ROBO1: variants seen among roughly 807,000 people sequenced by gnomAD.
ROBO1 encodes roundabout homolog 1.
Under a neutral mutation model 195.9 loss-of-function variants are expected in ROBO1, and 149 were observed. The observed-to-expected ratio is 0.76, with a 90% CI of 0.67 to 0.87. The LOEUF (loss-of-function observed/expected upper bound fraction) is 0.87. ROBO1 is among the 40% of genes least tolerant of loss of function. The probability of loss-of-function intolerance (pLI) is 0.00; values close to 1 mark genes in which losing one functional copy is unlikely to be tolerated. For synonymous variants in ROBO1, 816 were observed against 733.2 expected, an observed-to-expected ratio of 1.11 and a Z score of -1.82; for missense variants, 1,933 against 2,068.3, an observed-to-expected ratio of 0.93 and a Z score of 1.27.
At chr3:79,358,966 AG>A (rs1230355379) in intron 2 of ROBO1, among the ~76,000 whole-genome samples, 1 of 152,034 alleles carries the variant, frequency 6.6e-6, no homozygotes, top group Non-Finnish European at 1.5e-5. Context: ...ACACCAACTG[AG>A]GGGGCTTTTT....
At chr3:79,467,749 G>A (rs1247823353) in intron 2 of ROBO1, among the ~76,000 whole-genome samples, 1 of 152,092 alleles carries the variant, frequency 6.6e-6, no homozygotes, top group African/African-American at 2.4e-5. Context: ...GTAGCAAGTG[G>A]GCACTGAGCT....
intron 3 of ROBO1, among the ~76,000 whole-genome samples, chr3:79,024,151 C>G (rs2108283397): frequency 6.6e-6 from 1 of 152,304 alleles, no homozygotes; most frequent in Admixed American, 6.5e-5. Flanking sequence ...CTCAACTTTG[C>G]TGTGGAATTA....
intron 4 of ROBO1, among the ~76,000 whole-genome samples, chr3:78,924,207 T>C (rs2107612896): frequency 6.6e-6 from 1 of 152,214 alleles, no homozygotes; most frequent in East Asian, 1.9e-4. Flanking sequence ...CACTTAGTAT[T>C]CTAAAATGTG....
intron 2 of ROBO1, among the ~76,000 whole-genome samples, chr3:79,582,794 T>G (rs1452343981): frequency 6.6e-6 from 1 of 151,990 alleles, no homozygotes; most frequent in Non-Finnish European, 1.5e-5. Context: ...AATATATATC[T>G]TTACTTTCTA....
chr3:79,189,142 A>G (rs1231268744), intron 2 of ROBO1, among the ~76,000 whole-genome samples: 1 of 151,864 alleles, frequency 6.6e-6, no homozygotes, highest in African/African-American at 2.4e-5. Context: ...TAAGTAATTC[A>G]CTAAATATTT....
At chr3:78,623,516 T>C (rs1480721184) in intron 26 of ROBO1, among the ~76,000 whole-genome samples, 1 of 152,168 alleles carries the variant, frequency 6.6e-6, no homozygotes, top group Non-Finnish European at 1.5e-5. Context: ...CTTTGATTGC[T>C]ACATTAAGGA....
rs573144380 is a variant in ROBO1 at position 79,685,134 on chromosome 3, A to G, written c.-51+82618T>C. On this transcript the variant is annotated intron_variant, in intron 1 of 30. Coordinates refer to ENST00000464233, the MANE Select transcript of ROBO1 (RefSeq NM_002941.4). ...AAATATGTATTCTTTGTTGTGTATG[A>G]TTTTTGAAGTCTCTACTCAATTCAC... is the stretch of plus-strand genomic sequence containing the variant. Among the ~76,000 whole-genome samples the G allele has an allele frequency of 4.6e-5, 7 of 152,208 alleles. No individual in the cohort carries two copies. The East Asian group carries it at 1.4e-3, about 29-fold the overall frequency.
chr3:79,543,615 T>G (rs1034470132), intron 2 of ROBO1, among the ~76,000 whole-genome samples: 1 of 152,096 alleles, frequency 6.6e-6, no homozygotes, highest in Non-Finnish European at 1.5e-5. Flanking sequence ...GGTGAATAGT[T>G]CAGAATAATA....
At chr3:79,239,813 A>C (rs1035478767) in intron 2 of ROBO1, among the ~76,000 whole-genome samples, 3 of 152,210 alleles carry the variant, frequency 2.0e-5, no homozygotes, top group African/African-American at 7.2e-5. Flanking sequence ...CTTTATATAG[A>C]GTATATATCT....
intron 17 of ROBO1, 24 bp from the exon 18 acceptor site, chr3:78,657,293 T>C: frequency 6.2e-7 from 1 of 1,611,102 alleles, no homozygotes; most frequent in Non-Finnish European, 8.5e-7. Flanking sequence ...ATCACAAAAA[T>C]CAAGCTGGTA....
intron 2 of ROBO1, among the ~76,000 whole-genome samples, chr3:79,242,937 T>C (rs2108885190): frequency 6.6e-6 from 1 of 151,754 alleles, no homozygotes; most frequent in Non-Finnish European, 1.5e-5. Flanking sequence ...ACCTATTAAC[T>C]CATCATTTAA....
intron 2 of ROBO1, among the ~76,000 whole-genome samples, chr3:79,570,453 A>C (rs745443904): frequency 2.0e-5 from 3 of 152,174 alleles, no homozygotes; most frequent in Admixed American, 6.5e-5. Context: ...TGCAGAAAGG[A>C]GGCAAATGTT....
Position 78,659,800 on chromosome 3 carries a change from A to G in ROBO1, c.2328T>C (p.Ser776=). The G allele has an allele frequency of 6.2e-7, 1 of 1,603,132 alleles. No homozygotes were observed. The highest frequency in any genetic ancestry group is 1.1e-5 in the South Asian group (1 of 88,608). Residue 776 remains serine, a synonymous_variant, in exon 17 of 31, where the codon AGT becomes AGC. Transcript: ENST00000464233. Reference sequence around the variant, plus strand: ...ATACAGTTACACCTTGGGGTGGGGCACTGGGTGCTATTAAATTGTTTTAAA... The same window carrying G: ...ATACAGTTACACCTTGGGGTGGGGCGCTGGGTGCTATTAAATTGTTTTAAA... ...KFAKTLEEAP[S]APPQGVTVSK... is the part of the protein sequence containing the mutation.
At chr3:79,471,190 C>G (rs1938251751) in intron 2 of ROBO1, among the ~76,000 whole-genome samples, 1 of 152,062 alleles carries the variant, frequency 6.6e-6, no homozygotes, top group South Asian at 2.1e-4. Flanking sequence ...AGACCCAAAG[C>G]TATACAACCA....
At chr3:79,038,642 A>G (rs2078425127) in intron 3 of ROBO1, among the ~76,000 whole-genome samples, 1 of 151,930 alleles carries the variant, frequency 6.6e-6, no homozygotes, top group Non-Finnish European at 1.5e-5. Context: ...TATAAACTGA[A>G]TTCCTACAAT....
chr3:79,282,763 G>A (rs557713957), intron 2 of ROBO1, among the ~76,000 whole-genome samples: 2 of 152,266 alleles, frequency 1.3e-5, no homozygotes, highest in East Asian at 3.9e-4. Flanking sequence ...CTAGTAATGG[G>A]GAGAACCATG....
At chr3:79,109,664 A>G (rs906023206) in intron 3 of ROBO1, among the ~76,000 whole-genome samples, 1 of 152,072 alleles carries the variant, frequency 6.6e-6, no homozygotes, top group Non-Finnish European at 1.5e-5. Context: ...ATATATCTTT[A>G]TTATTAGTTT....
At chr3:78,719,908 T>A (rs570630282) in intron 5 of ROBO1, among the ~76,000 whole-genome samples, 7 of 152,208 alleles carry the variant, frequency 4.6e-5, no homozygotes, top group Non-Finnish European at 1.0e-4. Context: ...AACTTAAGGC[T>A]ATTGGTTTAT....
intron 2 of ROBO1, among the ~76,000 whole-genome samples, chr3:79,418,909 T>C (rs750628796): frequency 5.4e-4 from 82 of 152,104 alleles, no homozygotes; most frequent in Non-Finnish European, 1.1e-3. Context: ...GTGTGAGAAG[T>C]TCTGATTCAA....
Sources: gnomAD v4.1 joint callset for allele counts (sites outside exome capture counted in the v4.1 genomes callset) on GRCh38, gnomAD v4.1.1 for gene constraint, MANE v1.5 for transcripts, NCBI Gene and HGNC (gene_info 2026-07-23, HGNC 2026-07-21) for gene names.